Variants in ARL17A observed in about 807,000 individuals in gnomAD.
ARL17A encodes the protein ADP-ribosylation factor-like 17-like.
chr17:46,526,735 T>C, downstream of ARL17A, among the ~76,000 whole-genome samples: 1 of 105,062 alleles, frequency 9.5e-6, no homozygotes, highest in Non-Finnish European at 2.1e-5. Context: ...AACTGGATTC[T>C]GCTGGCCCAA....
At position 46,552,869 on chromosome 17, in the gene ARL17A, AGT is replaced by A. The variant is rs1356809022; in HGVS notation, c.*4485_*4486del. 7.0e-6 allele frequency among the ~76,000 whole-genome samples: 1 copy of A among 142,864 alleles called. No individual in the cohort carries two copies. Among genetic ancestry groups the A allele is most frequent in the Non-Finnish European group, 1.5e-5 (1 of 66,880 alleles). The allele number at this position is 142,864 out of a possible 152,430, so 93.7% of individuals were successfully genotyped here. On this transcript the variant is annotated 3_prime_UTR_variant, in exon 4 of 4. Coordinates refer to ENST00000336125, the MANE Select transcript of ARL17A (RefSeq NM_001113738.2). ...ATTGGGAGGCCAACCTGGGCAGCAT[AGT>A]GAGACCTTGTCTTTATTAAAAATTA...
Position 46,553,018 on chromosome 17 carries a change from G to A in ARL17A, c.*4338C>T, listed in dbSNP as rs1391511245. 7.0e-5 allele frequency among the ~76,000 whole-genome samples: 10 copies of A among 143,274 alleles called. No individual in the cohort carries two copies. Among genetic ancestry groups the A allele is most frequent in the Admixed American group, 2.8e-4 (4 of 14,510 alleles). The allele number at this position is 143,274 out of a possible 152,430, so 94.0% of individuals were successfully genotyped here. ...TACAGTGAGCTGTGATCGTGACACCGCACTCCATCCTGAGTAACAGAGGAT... is the reference window on the plus strand; with the variant it reads ...TACAGTGAGCTGTGATCGTGACACCACACTCCATCCTGAGTAACAGAGGAT... On this transcript the variant is annotated 3_prime_UTR_variant, in exon 4 of 4. Transcript: ENST00000336125.
chr17:46,533,404 C>T (rs1321251156), intron 4 of ARL17A, among the ~76,000 whole-genome samples: 7 of 119,500 alleles, frequency 5.9e-5, no homozygotes, highest in Non-Finnish European at 8.1e-5. Flanking sequence ...CTCACCCCCT[C>T]CTTTATACTG....
chr17:46,533,448 T>C (rs2054026764), intron 4 of ARL17A, among the ~76,000 whole-genome samples: 3 of 139,428 alleles, frequency 2.2e-5, no homozygotes, highest in Non-Finnish European at 4.5e-5. Context: ...ATATACCTTA[T>C]GTTCATCAAC....
At position 46,558,742 on chromosome 17, in the gene ARL17A, C is replaced by G. The variant is rs2057430924; in HGVS notation, c.260-1112G>C. 2.2e-5 allele frequency: 3 copies of G among 137,642 alleles called. 1 individual carries two copies. Among genetic ancestry groups the G allele is most frequent in the African/African-American group, 2.8e-5 (1 of 35,982 alleles). The allele number at this position is 137,642 out of a possible 1,614,324, so 8.5% of individuals were successfully genotyped here. On this transcript the variant is annotated intron_variant, in intron 3 of 3. Coordinates refer to ENST00000336125, the MANE Select transcript of ARL17A (RefSeq NM_001113738.2). ...CTGTGGATCTCTAGCCTTGAACACC[C>G]TTGGATGCTGCTTTAAATGACTGAT... is the stretch of plus-strand genomic sequence containing the variant.
chr17:46,575,450 A>C (rs2057773826), intron 2 of ARL17A, among the ~76,000 whole-genome samples: 1 of 150,598 alleles, frequency 6.6e-6, no homozygotes, highest in Admixed American at 6.6e-5. Context: ...AGATGCTGCC[A>C]CTAAGGAAGG....
At position 46,568,512 on chromosome 17, in the gene ARL17A, A is replaced by G. The variant is rs1198547974; in HGVS notation, c.259+2247T>C. Among the ~76,000 whole-genome samples the G allele has an allele frequency of 1.8e-3, 204 of 110,590 alleles. 7 individuals carry two copies. The highest frequency in any genetic ancestry group is 3.3e-3 in the South Asian group (12 of 3,610). The allele number at this position is 110,590 out of a possible 152,430, so 72.6% of individuals were successfully genotyped here. A position where few individuals can be genotyped will look rare whatever the true frequency, so the allele number is the denominator to read the frequency against. On this transcript the variant is annotated intron_variant, in intron 3 of 3. Transcript: ENST00000336125. ...TAAGCAGTTAAAAAAAAAAAAAAAAAGAGGGGGGGAGGCCAGGCGAGGTGG... is the reference window on the plus strand; with the variant it reads ...TAAGCAGTTAAAAAAAAAAAAAAAAGGAGGGGGGGAGGCCAGGCGAGGTGG...
At chr17:46,550,737 C>T (rs1256619270), downstream of ARL17A, among the ~76,000 whole-genome samples, 2 of 127,564 alleles carry the variant, frequency 1.6e-5, no homozygotes, top group South Asian at 5.2e-4. Context: ...TGAATTGAAA[C>T]CATGTGAATC....
At chr17:46,543,186 G>A (rs2055706073) in intron 3 of ARL17A, among the ~76,000 whole-genome samples, 2 of 150,610 alleles carry the variant, frequency 1.3e-5, no homozygotes, top group Admixed American at 6.6e-5. Flanking sequence ...TGAACTAAAT[G>A]TCTTATGGGA....
At chr17:46,502,848 A>G in the ARL17A span, among the ~76,000 whole-genome samples, 1 of 150,872 alleles carries the variant, frequency 6.6e-6, no homozygotes, top group Non-Finnish European at 1.5e-5. Flanking sequence ...GAAGTTTCCT[A>G]GATGTTCCGA....
intron 4 of ARL17A, among the ~76,000 whole-genome samples, chr17:46,534,220 G>T (rs1205982681): frequency 1.4e-5 from 2 of 147,304 alleles, no homozygotes; most frequent in Non-Finnish European, 3.0e-5. Context: ...TTTTTTTATT[G>T]ATCATTCTTG....
chr17:46,516,127 C>A (rs1268427581), downstream of ARL17A, among the ~76,000 whole-genome samples: 16 of 147,748 alleles, frequency 1.1e-4, no homozygotes, highest in African/African-American at 3.6e-4. Context: ...GGTGAAACCC[C>A]ATCTCTACTA....
downstream of ARL17A, among the ~76,000 whole-genome samples, chr17:46,550,163 A>G (rs1323677647): frequency 3.6e-5 from 1 of 28,004 alleles, no homozygotes; most frequent in Non-Finnish European, 7.9e-5. Flanking sequence ...AAAAAATAAG[A>G]AAATTAGCTG....
intron 4 of ARL17A, among the ~76,000 whole-genome samples, chr17:46,534,739 G>GCCTCC: frequency 6.7e-6 from 1 of 150,092 alleles, no homozygotes; most frequent in Non-Finnish European, 1.5e-5. Flanking sequence ...TGGCGGCCGG[G>GCCTCC]CAGAGGGGCT....
chr17:46,526,479 G>C (rs2458048), downstream of ARL17A, among the ~76,000 whole-genome samples: 2,548 of 97,436 alleles, frequency 0.026, 384 homozygotes, highest in African/African-American at 0.084. Flanking sequence ...TTCCAAGGTC[G>C]TGGGAGGGCC....
chr17:46,542,834 C>T (rs2055634945), intron 3 of ARL17A, among the ~76,000 whole-genome samples: 1 of 150,606 alleles, frequency 6.6e-6, no homozygotes, highest in African/African-American at 2.5e-5. Flanking sequence ...TAAATAGAGA[C>T]TCAGTTATGC....
chr17:46,500,540 A>G, the ARL17A span, among the ~76,000 whole-genome samples: 2 of 150,128 alleles, frequency 1.3e-5, no homozygotes, highest in African/African-American at 5.0e-5. Context: ...GTTTCGAGGC[A>G]GCTTTTCAAA....
intron 3 of ARL17A, among the ~76,000 whole-genome samples, chr17:46,543,258 ATT>A (rs916841810): frequency 6.6e-6 from 1 of 150,574 alleles, no homozygotes; most frequent in Admixed American, 6.6e-5. Context: ...AGGCCAGCTC[ATT>A]TGAGTCTTGG....
chr17:46,503,168 T>C, the ARL17A span, among the ~76,000 whole-genome samples: 1 of 139,804 alleles, frequency 7.2e-6, no homozygotes, highest in Admixed American at 7.3e-5. Context: ...GCCGAGATCA[T>C]GCCACTGCAC....
Sources: allele counts gnomAD v4.1 joint callset (sites outside exome capture counted in the v4.1 genomes callset), GRCh38; gene constraint gnomAD v4.1.1; transcripts MANE v1.5; gene names NCBI Gene and HGNC (gene_info 2026-07-23, HGNC 2026-07-21).